The following AKT3 variants were observed in gnomAD, a reference collection of about 807,000 sequenced individuals.
The protein encoded by AKT3 is AKT serine/threonine kinase 3.
A neutral mutation model predicts 65.3 loss-of-function variants in AKT3; 15 were observed. The ratio of observed to expected loss-of-function variants is 0.23; its 90% CI spans 0.15 to 0.35. The LOEUF (loss-of-function observed/expected upper bound fraction) is 0.35, where lower values mean the gene tolerates loss of function less well. Among genes scored for constraint, AKT3 ranks in the 10% least tolerant of loss-of-function variants. The probability of loss-of-function intolerance (pLI) is 1.00; values close to 1 mark genes in which losing one functional copy is unlikely to be tolerated. For synonymous variants in AKT3, 206 were observed against 183.8 expected (o/e 1.12, Z -0.98); for missense variants, 243 against 576.5 (o/e 0.42, Z 5.92).
At chr1:243,752,073 G>C (rs961685364) in intron 2 of AKT3, among the ~76,000 whole-genome samples, 1 of 152,242 alleles carries the variant, frequency 6.6e-6, no homozygotes, top group East Asian at 1.9e-4. Context: ...CCAAAACAGT[G>C]CAGGTTGGGC....
chr1:243,552,274 G>T (rs1187270754), intron 11 of AKT3, among the ~76,000 whole-genome samples: 1 of 101,588 alleles, frequency 9.8e-6, no homozygotes, highest in Non-Finnish European at 1.8e-5. Context: ...GGGTGGCAGA[G>T]TGAGACTCTG....
intron 2 of AKT3, among the ~76,000 whole-genome samples, chr1:243,755,793 C>T (rs1380999236): frequency 1.3e-5 from 2 of 152,214 alleles, no homozygotes; most frequent in African/African-American, 2.4e-5. Flanking sequence ...AAAGCAATTC[C>T]ACCTAAAGAT....
intron 5 of AKT3, 97 bp downstream of exon 5, chr1:243,645,795 TA>T: frequency 8.0e-7 from 1 of 1,243,200 alleles, no homozygotes; most frequent in Non-Finnish European, 1.1e-6. Flanking sequence ...TTACATATCG[TA>T]AGAAAACTGG....
chr1:243,519,082 G>A (rs559577070), intron 12 of AKT3, among the ~76,000 whole-genome samples: 2 of 152,330 alleles, frequency 1.3e-5, no homozygotes, highest in East Asian at 1.9e-4. Flanking sequence ...GAGACAATGT[G>A]GAAGACGAAG....
chr1:243,739,172 T>G lies in AKT3; in HGVS notation c.47-43456A>C, dbSNP rs562143328. On this transcript the variant is annotated intron_variant, in intron 2 of 13. Coordinates refer to ENST00000673466, the MANE Select transcript of AKT3 (RefSeq NM_005465.7). Reference sequence around the variant, plus strand: ...CACATAATGTGACACATACATGTAATTTTAAATTTTCTAAAAGCCATACAT... The same window carrying G: ...CACATAATGTGACACATACATGTAAGTTTAAATTTTCTAAAAGCCATACAT... 3.3e-5 allele frequency among the ~76,000 whole-genome samples: 5 copies of G among 152,276 alleles called. No homozygotes were observed. The South Asian group carries it at 1.0e-3, about 32-fold the overall frequency.
intron 4 of AKT3, 64 bp downstream of exon 4, chr1:243,664,708 A>T (rs1341575665): frequency 1.4e-6 from 1 of 696,806 alleles, no homozygotes. Flanking sequence ...ATAAAGTCAG[A>T]TACAAATACA....
At chr1:243,824,411 G>T (rs1694036626) in intron 2 of AKT3, among the ~76,000 whole-genome samples, 1 of 152,040 alleles carries the variant, frequency 6.6e-6, no homozygotes, top group Non-Finnish European at 1.5e-5. Flanking sequence ...TTGACGACTG[G>T]GATCTAATTA....
chr1:243,812,935 C>T (rs1467615018), intron 2 of AKT3, among the ~76,000 whole-genome samples: 4 of 149,564 alleles, frequency 2.7e-5, no homozygotes, highest in East Asian at 2.0e-4. Context: ...AACCAAACAT[C>T]GCATGTTCTC....
intron 2 of AKT3, among the ~76,000 whole-genome samples, chr1:243,810,452 T>C (rs1383433265): frequency 6.6e-6 from 1 of 151,614 alleles, no homozygotes. Context: ...CCTCGACACA[T>C]ACACTCCCCC....
At chr1:243,612,815 T>C (rs35978510) in intron 8 of AKT3, 77,425 of 151,604 alleles carry the variant, frequency 0.51, 23,811 homozygotes, top group Non-Finnish European at 0.68. Context: ...CTGAGGCAGA[T>C]GGATCACAAG....
chr1:243,564,670 T>C (rs1447813387), intron 9 of AKT3, among the ~76,000 whole-genome samples: 2 of 152,136 alleles, frequency 1.3e-5, no homozygotes, highest in African/African-American at 4.8e-5. Context: ...ATGATTATCA[T>C]CAAACAAAGA....
intron 4 of AKT3, among the ~76,000 whole-genome samples, chr1:243,657,149 T>C: frequency 6.6e-6 from 1 of 152,168 alleles, no homozygotes; most frequent in Non-Finnish European, 1.5e-5. Flanking sequence ...TAGATTAAAT[T>C]AGTGCATTTA....
chr1:243,741,695 A>G (rs929053043), intron 2 of AKT3: 1 of 152,178 alleles, frequency 6.6e-6, no homozygotes, highest in African/African-American at 2.4e-5. Flanking sequence ...CAAATTTCCT[A>G]TAATAAAAAG....
At chr1:243,830,022 C>T (rs1318594155) in intron 2 of AKT3, among the ~76,000 whole-genome samples, 1 of 152,172 alleles carries the variant, frequency 6.6e-6, no homozygotes, top group Non-Finnish European at 1.5e-5. Flanking sequence ...GCTATTTCCA[C>T]AGTAAGATAC....
chr1:243,744,276 G>A (rs1301722956), intron 2 of AKT3, among the ~76,000 whole-genome samples: 1 of 152,126 alleles, frequency 6.6e-6, no homozygotes, highest in Non-Finnish European at 1.5e-5. Flanking sequence ...TTGCTTGGTG[G>A]GACATAGTGA....
At chr1:243,514,649 A>G (rs1266093839) in intron 12 of AKT3, among the ~76,000 whole-genome samples, 1 of 152,184 alleles carries the variant, frequency 6.6e-6, no homozygotes, top group Non-Finnish European at 1.5e-5. Flanking sequence ...AACATACACT[A>G]AACAGCACAC....
chr1:243,685,279 G>A (rs894656472), intron 3 of AKT3, among the ~76,000 whole-genome samples: 1 of 152,228 alleles, frequency 6.6e-6, no homozygotes, highest in South Asian at 2.1e-4. Context: ...GGTTTTTATG[G>A]TTTTACAGTT....
intron 2 of AKT3, among the ~76,000 whole-genome samples, chr1:243,713,853 T>C (rs533976988): frequency 1.3e-5 from 2 of 151,182 alleles, no homozygotes; most frequent in Non-Finnish European, 1.5e-5. Context: ...GGCAGACACA[T>C]TGACAGCTCC....
chr1:243,581,670 C>A (rs1675367334), intron 8 of AKT3, among the ~76,000 whole-genome samples: 1 of 151,856 alleles, frequency 6.6e-6, no homozygotes, highest in African/African-American at 2.4e-5. Context: ...CGTAAGAATT[C>A]CAGCACTATG....
Sources: gnomAD v4.1 joint callset for allele counts (sites outside exome capture counted in the v4.1 genomes callset) on GRCh38, gnomAD v4.1.1 for gene constraint, MANE v1.5 for transcripts, NCBI Gene and HGNC (gene_info 2026-07-23, HGNC 2026-07-21) for gene names.